CSMD1: variants seen among roughly 807,000 people sequenced by gnomAD.
CSMD1 encodes the protein CUB and Sushi multiple domains 1, also known as CUB and sushi domain-containing protein 1.
Under a neutral mutation model 417.5 loss-of-function variants are expected in CSMD1, and 213 were observed. That is an observed-to-expected ratio of 0.51 (90% CI 0.46 to 0.57). The LOEUF is 0.57. Ranked by LOEUF, CSMD1 falls within the 20% of genes least tolerant of loss-of-function variation. The pLI is 0.00. For missense variants in CSMD1, 6,923 were observed against 4,529.7 expected, an observed-to-expected ratio of 1.53 and a Z score of -15.17; for synonymous variants, 2,862 against 1,736.8, an observed-to-expected ratio of 1.65 and a Z score of -16.11.
rs754874239 is a variant in CSMD1 at position 4,915,365 on chromosome 8, G to A, written c.85+78967C>T. Reference sequence around the variant, plus strand: ...CTCTTGCTAAAGTAGATTACATATAGTCTGACAATCGTAGATTCTGATCCG... The same window carrying A: ...CTCTTGCTAAAGTAGATTACATATAATCTGACAATCGTAGATTCTGATCCG... On this transcript the variant is annotated intron_variant, in intron 1 of 69. Coordinates refer to ENST00000635120, the MANE Select transcript of CSMD1 (RefSeq NM_033225.6). 8.9e-4 allele frequency among the ~76,000 whole-genome samples: 135 copies of A among 152,174 alleles called. 1 individual carries two copies. Among genetic ancestry groups the A allele is most frequent in the Non-Finnish European group, 9.6e-4 (65 of 68,036 alleles).
At chr8:4,501,524 T>G (rs1802258597) in intron 2 of CSMD1, among the ~76,000 whole-genome samples, 1 of 152,198 alleles carries the variant, frequency 6.6e-6, no homozygotes, top group South Asian at 2.1e-4. Context: ...AGTTTCACTT[T>G]CTGTGGTTTC....
At chr8:4,738,184 T>C (rs912587095) in intron 1 of CSMD1, among the ~76,000 whole-genome samples, 1 of 152,186 alleles carries the variant, frequency 6.6e-6, no homozygotes. Context: ...TTTGATAGAC[T>C]TTCAAATAGT....
At chr8:2,963,022 T>A (rs1250729706) in intron 60 of CSMD1, among the ~76,000 whole-genome samples, 200 bp downstream of exon 60, 2 of 152,202 alleles carry the variant, frequency 1.3e-5, no homozygotes, top group Non-Finnish European at 2.9e-5. Flanking sequence ...CACTCCATCC[T>A]GGGCAACAGA....
At chr8:4,192,115 A>G (rs765518212) in intron 3 of CSMD1, among the ~76,000 whole-genome samples, 3 of 152,190 alleles carry the variant, frequency 2.0e-5, no homozygotes, top group African/African-American at 4.8e-5. Flanking sequence ...GAGAAGGATC[A>G]TCTGCATTGC....
chr8:2,998,861 T>C (rs1327723479), intron 53 of CSMD1, among the ~76,000 whole-genome samples: 1 of 152,218 alleles, frequency 6.6e-6, no homozygotes, highest in African/African-American at 2.4e-5. Context: ...CTTCCTCATT[T>C]ATCTTGTCAA....
chr8:3,533,012 G>T (rs1430831284), intron 10 of CSMD1, among the ~76,000 whole-genome samples: 1 of 152,094 alleles, frequency 6.6e-6, no homozygotes, highest in Non-Finnish European at 1.5e-5. Flanking sequence ...AACAAATTAA[G>T]TGAATAATGT....
At chr8:4,454,368 T>C (rs1799343573) in intron 2 of CSMD1, among the ~76,000 whole-genome samples, 2 of 152,136 alleles carry the variant, frequency 1.3e-5, no homozygotes, top group African/African-American at 2.4e-5. Context: ...TCCCAACACA[T>C]ACCTCTTGAT....
At chr8:3,775,113 G>T (rs1457890722) in intron 5 of CSMD1, among the ~76,000 whole-genome samples, 1 of 152,182 alleles carries the variant, frequency 6.6e-6, no homozygotes, top group Non-Finnish European at 1.5e-5. Flanking sequence ...TTTTTAGACT[G>T]CTGTTGACCG....
At chr8:4,541,558 G>A (rs1430256343) in intron 2 of CSMD1, among the ~76,000 whole-genome samples, 5 of 151,802 alleles carry the variant, frequency 3.3e-5, no homozygotes, top group Non-Finnish European at 7.4e-5. Context: ...GAACAGCCTG[G>A]CCACCATGGT....
intron 7 of CSMD1, among the ~76,000 whole-genome samples, chr8:3,650,809 G>C (rs1434719261): frequency 6.6e-6 from 1 of 151,920 alleles, no homozygotes; most frequent in African/African-American, 2.4e-5. Flanking sequence ...CTTTCTCATG[G>C]GTTCAAACAC....
chr8:3,648,225 G>T (rs1263802189), intron 7 of CSMD1, among the ~76,000 whole-genome samples: 1 of 152,168 alleles, frequency 6.6e-6, no homozygotes, highest in African/African-American at 2.4e-5. Context: ...CTAGAGACAT[G>T]ATTTTACTTT....
chr8:3,753,921 C>T lies in CSMD1; in HGVS notation c.931+9G>A, dbSNP rs374619077. 132 of 1,569,502 alleles carry T rather than the reference C, an allele frequency of 8.4e-5. No individual in the cohort carries two copies. The African/African-American group carries it at 1.4e-3, about 17-fold the overall frequency. Reference sequence around the variant, plus strand: ...TTTTTTTTTTTCTTATAAGATGGAGCATCCTTACCTTGGAACTGAGCGTTA... The same window carrying T: ...TTTTTTTTTTTCTTATAAGATGGAGTATCCTTACCTTGGAACTGAGCGTTA... On this transcript the variant is annotated intron_variant, in intron 6 of 69. Coordinates refer to ENST00000635120, the MANE Select transcript of CSMD1 (RefSeq NM_033225.6).
intron 4 of CSMD1, among the ~76,000 whole-genome samples, chr8:4,018,227 G>C (rs929193868): frequency 1.3e-5 from 2 of 151,966 alleles, no homozygotes; most frequent in African/African-American, 4.8e-5. Flanking sequence ...ATATTTTCAG[G>C]ATTCTGACTT....
chr8:4,017,325 G>A (rs1796571487), intron 4 of CSMD1, among the ~76,000 whole-genome samples: 3 of 151,962 alleles, frequency 2.0e-5, no homozygotes, highest in Admixed American at 6.6e-5. Flanking sequence ...GGGGAGGGAG[G>A]ACAAAGTTTC....
chr8:3,578,391 G>A (rs1370287521), intron 9 of CSMD1, among the ~76,000 whole-genome samples: 1 of 149,274 alleles, frequency 6.7e-6, no homozygotes, highest in Non-Finnish European at 1.5e-5. Context: ...TAGTTAGACG[G>A]GAAGGGCACA....
At position 3,118,594 on chromosome 8, in the gene CSMD1, G is replaced by C; in HGVS notation, c.6242-7C>G. Reference sequence around the variant, plus strand: ...CAGTTCTGTAATTCATAGGCTGAAAGAAACAAACAGACAAAATAAAGCTTA... The same window carrying C: ...CAGTTCTGTAATTCATAGGCTGAAACAAACAAACAGACAAAATAAAGCTTA... On this transcript the variant is annotated splice_region_variant and splice_polypyrimidine_tract_variant and intron_variant, in intron 41 of 69. Transcript: ENST00000635120. 3 of 1,608,260 alleles carry C rather than the reference G, an allele frequency of 1.9e-6. No individual in the cohort carries two copies. Among genetic ancestry groups the C allele is most frequent in the Non-Finnish European group, 2.5e-6 (3 of 1,177,714 alleles).
intron 7 of CSMD1, among the ~76,000 whole-genome samples, chr8:3,679,565 G>C (rs527895016): frequency 1.2e-4 from 18 of 152,236 alleles, no homozygotes; most frequent in Non-Finnish European, 1.9e-4. Context: ...GAGAGACTTA[G>C]ACTCCCACAC....
Position 3,478,103 on chromosome 8 carries a change from A to C in CSMD1, c.1449-9279T>G, listed in dbSNP as rs568057940. Among the ~76,000 whole-genome samples, 6 of 152,346 alleles carry C rather than the reference A, an allele frequency of 3.9e-5. No individual in the cohort carries two copies. In the South Asian group the frequency reaches 1.2e-3, roughly 32 times the overall value. On this transcript the variant is annotated intron_variant, in intron 11 of 69. Transcript: ENST00000635120. ...CTTTAGATTTCATTTACTTTGACTC[A>C]TGCACACGCCTCACTCAAGTATGGC...
intron 2 of CSMD1, among the ~76,000 whole-genome samples, chr8:4,470,699 A>G (rs1183454062): frequency 6.6e-6 from 1 of 152,210 alleles, no homozygotes; most frequent in Non-Finnish European, 1.5e-5. Context: ...GGTACGAAAG[A>G]GTAAAGACAA....
Sources: gnomAD v4.1 joint callset for allele counts (sites outside exome capture counted in the v4.1 genomes callset) on GRCh38, gnomAD v4.1.1 for gene constraint, MANE v1.5 for transcripts, NCBI Gene and HGNC (gene_info 2026-07-23, HGNC 2026-07-21) for gene names.